The following SPART variants were observed in gnomAD, a reference collection of about 807,000 sequenced individuals.
The protein encoded by SPART is spastic paraplegia 20 (Troyer syndrome).
Under a neutral mutation model 58.7 loss-of-function variants are expected in SPART, and 35 were observed. That is an observed-to-expected ratio of 0.60 (90% CI 0.46 to 0.79). The LOEUF (loss-of-function observed/expected upper bound fraction) is 0.79. Ranked by LOEUF, SPART falls within the 30% of genes least tolerant of loss-of-function variation. The pLI is 0.00. For missense variants in SPART, 730 were observed against 786.1 expected (o/e 0.93, Z 0.85); for synonymous variants, 284 against 280.7 (o/e 1.01, Z -0.12).
intron 1 of SPART, among the ~76,000 whole-genome samples, chr13:36,369,859 C>T (rs984766017): frequency 6.6e-6 from 1 of 152,152 alleles, no homozygotes; most frequent in East Asian, 1.9e-4. Flanking sequence ...GCAGGCCTGG[C>T]TCTTCATACC....
chr13:36,330,717 T>G (rs2137508153), intron 3 of SPART, among the ~76,000 whole-genome samples: 1 of 152,306 alleles, frequency 6.6e-6, no homozygotes, highest in East Asian at 1.9e-4. Flanking sequence ...ACAGAAATAC[T>G]CTATTTCTAC....
At chr13:36,304,731 CCT>C in intron 8 of SPART, 99 bp from the exon 9 acceptor site, 1 of 1,288,004 alleles carries the variant, frequency 7.8e-7, no homozygotes, top group East Asian at 2.5e-5. Context: ...CTGTGTTACC[CCT>C]GAAAGCAAAA....
At chr13:36,314,179 T>C in intron 6 of SPART, 48 bp downstream of exon 6, 1 of 1,531,918 alleles carries the variant, frequency 6.5e-7, no homozygotes, top group Non-Finnish European at 9.0e-7. Context: ...ATTAAGACAT[T>C]ATTTTAAATA....
chr13:36,322,189 T>A (rs9602775), intron 5 of SPART, among the ~76,000 whole-genome samples: 2 of 152,120 alleles, frequency 1.3e-5, no homozygotes, highest in South Asian at 4.1e-4. Context: ...CGGACGTGCA[T>A]GAAACTCAGC....
chr13:36,323,828 GA>G (rs1307240030), intron 5 of SPART, among the ~76,000 whole-genome samples: 2 of 152,178 alleles, frequency 1.3e-5, no homozygotes, highest in Admixed American at 1.3e-4. Context: ...CCCCAGCCCT[GA>G]AGGTATAGAA....
intron 8 of SPART, among the ~76,000 whole-genome samples, chr13:36,309,574 T>A (rs530731561): frequency 6.6e-6 from 1 of 152,182 alleles, no homozygotes; most frequent in African/African-American, 2.4e-5. Flanking sequence ...TGAAATCATA[T>A]CCTTTGCAGC....
chr13:36,344,569 G>A (rs1884884027), intron 1 of SPART, among the ~76,000 whole-genome samples: 1 of 151,920 alleles, frequency 6.6e-6, no homozygotes, highest in Non-Finnish European at 1.5e-5. Context: ...GAAAGAAAAA[G>A]GTTTATATTA....
chr13:36,342,157 C>T (rs1884641626), intron 1 of SPART, among the ~76,000 whole-genome samples: 1 of 152,178 alleles, frequency 6.6e-6, no homozygotes, highest in Non-Finnish European at 1.5e-5. Context: ...ACCACTATCC[C>T]CACGCATCAT....
At chr13:36,321,899 G>T (rs987637170) in intron 5 of SPART, among the ~76,000 whole-genome samples, 2 of 151,828 alleles carry the variant, frequency 1.3e-5, no homozygotes, top group African/African-American at 4.8e-5. Flanking sequence ...GTAAATGGCC[G>T]GTCCTTGCCT....
chr13:36,321,725 T>G (rs541191095), intron 5 of SPART, among the ~76,000 whole-genome samples: 2 of 152,254 alleles, frequency 1.3e-5, no homozygotes, highest in Admixed American at 6.5e-5. Context: ...TTCTTATTAA[T>G]ATAAGAAGTC....
chr13:36,309,104 C>T (rs1355389758), intron 8 of SPART, among the ~76,000 whole-genome samples: 1 of 152,012 alleles, frequency 6.6e-6, no homozygotes. Flanking sequence ...ATTAGCCGGT[C>T]ATGGTGGCGG....
chr13:36,335,055 T>A lies in SPART; in HGVS notation c.776A>T (p.Asp259Val). 6.2e-7 allele frequency: 1 copy of A among 1,614,134 alleles called. No homozygotes were observed. The highest frequency in any genetic ancestry group is 8.5e-7 in the Non-Finnish European group (1 of 1,180,026). The part of the protein sequence containing the change: ...RIVRFLDNSL[D>V]TVLNRPPGFL... ...CCCGGGAGGACGGTTTAGAACCGTA[T>A]CGAGAGAATTATCCAAAAACCTCAC... The change falls in exon 2 of 9, where the codon GAT becomes GTT. Residue 259 changes from aspartate to valine, a missense_variant. Physicochemically the swap from Asp to Val is radical, Grantham distance 152. Transcript: ENST00000438666.
At chr13:36,357,193 G>GT (rs1340476614) in intron 1 of SPART, among the ~76,000 whole-genome samples, 1 of 152,144 alleles carries the variant, frequency 6.6e-6, no homozygotes, top group Non-Finnish European at 1.5e-5. Flanking sequence ...TACCTAATCA[G>GT]TTTTTTTCAA....
chr13:36,325,916 G>A (rs949013672), intron 5 of SPART: 1 of 152,392 alleles, frequency 6.6e-6, no homozygotes, highest in African/African-American at 2.4e-5. Flanking sequence ...TCATAAACTA[G>A]TAGCTTATTA....
intron 1 of SPART, among the ~76,000 whole-genome samples, chr13:36,364,806 A>G (rs1885993921): frequency 6.6e-6 from 1 of 152,182 alleles, no homozygotes; most frequent in Non-Finnish European, 1.5e-5. Flanking sequence ...TGACTTGACC[A>G]AGGTCCTCCT....
intron 5 of SPART, among the ~76,000 whole-genome samples, chr13:36,319,184 C>T (rs796575737): frequency 1.9e-4 from 28 of 144,338 alleles, no homozygotes; most frequent in African/African-American, 6.4e-4. Flanking sequence ...TAGTTATCCC[C>T]ACCTGCCCAG....
intron 6 of SPART, among the ~76,000 whole-genome samples, chr13:36,313,068 C>T (rs1341874611): frequency 6.6e-6 from 1 of 152,048 alleles, no homozygotes; most frequent in Non-Finnish European, 1.5e-5. Context: ...TATCTACCCA[C>T]CTCAAAACAC....
At chr13:36,312,022 G>A (rs1320349112) in intron 8 of SPART, 123 bp downstream of exon 8, 2 of 835,544 alleles carry the variant, frequency 2.4e-6, no homozygotes, top group Non-Finnish European at 3.9e-6. Context: ...GGGAGGTGGA[G>A]GTTGCAGTGA....
chr13:36,332,118 C>G (rs1438942265), intron 2 of SPART, among the ~76,000 whole-genome samples: 1 of 152,036 alleles, frequency 6.6e-6, no homozygotes, highest in Non-Finnish European at 1.5e-5. Flanking sequence ...CGCCCAGAAC[C>G]AACAACTAAA....
Sources: gnomAD v4.1 joint callset for allele counts (sites outside exome capture counted in the v4.1 genomes callset) on GRCh38, gnomAD v4.1.1 for gene constraint, MANE v1.5 for transcripts, NCBI Gene and HGNC (gene_info 2026-07-23, HGNC 2026-07-21) for gene names.